COG5: variants seen among roughly 807,000 people sequenced by gnomAD.
COG5 encodes component of oligomeric golgi complex 5.
In COG5, 86 loss-of-function variants were observed where a neutral mutation model predicts 110.4. The ratio of observed to expected loss-of-function variants is 0.78; its 90% CI spans 0.65 to 0.93. The LOEUF (loss-of-function observed/expected upper bound fraction) is 0.93. COG5 is among the 40% of genes least tolerant of loss of function. The pLI, the probability that COG5 is intolerant of heterozygous loss-of-function variation, is 0.00. For missense variants in COG5, 1,077 were observed against 987.0 expected (o/e 1.09, Z -1.22); for synonymous variants, 360 against 334.6 (o/e 1.08, Z -0.83).
chr7:107,233,941 G>A (rs944573535), intron 18 of COG5, among the ~76,000 whole-genome samples: 1 of 152,160 alleles, frequency 6.6e-6, no homozygotes, highest in Non-Finnish European at 1.5e-5. Context: ...ATAAAACCTT[G>A]AAATTTTAAT....
intron 19 of COG5, among the ~76,000 whole-genome samples, chr7:107,213,015 A>G (rs1799283748): frequency 6.6e-6 from 1 of 152,198 alleles, no homozygotes; most frequent in South Asian, 2.1e-4. Context: ...ATACTGGAGT[A>G]ACTGCAGGGC....
chr7:107,432,644 T>C (rs1794102245), intron 6 of COG5, among the ~76,000 whole-genome samples: 1 of 152,128 alleles, frequency 6.6e-6, no homozygotes, highest in Non-Finnish European at 1.5e-5. Flanking sequence ...GAAAATAAAG[T>C]CTTTTCTACT....
chr7:107,452,080 A>T (rs1454739144), intron 6 of COG5, among the ~76,000 whole-genome samples: 1 of 152,064 alleles, frequency 6.6e-6, no homozygotes, highest in Non-Finnish European at 1.5e-5. Context: ...CTTTAACCAC[A>T]TCTCACTGCT....
chr7:107,384,735 G>T (rs1277402088), intron 7 of COG5, among the ~76,000 whole-genome samples: 1 of 152,142 alleles, frequency 6.6e-6, no homozygotes, highest in Non-Finnish European at 1.5e-5. Context: ...GTCTGCCATG[G>T]CAGGACACAG....
chr7:107,555,369 CT>C (rs1323526895), intron 2 of COG5, among the ~76,000 whole-genome samples: 1 of 152,208 alleles, frequency 6.6e-6, no homozygotes, highest in Admixed American at 6.5e-5. Flanking sequence ...AGTCTGCTGA[CT>C]GAAGTTCTTA....
chr7:107,312,731 C>G (rs974170836), intron 11 of COG5, among the ~76,000 whole-genome samples: 3 of 152,062 alleles, frequency 2.0e-5, no homozygotes, highest in Non-Finnish European at 4.4e-5. Context: ...ATTCGAATTG[C>G]ATTTTGAGAG....
intron 10 of COG5, among the ~76,000 whole-genome samples, chr7:107,356,726 A>T (rs1194360921): frequency 1.3e-5 from 2 of 152,172 alleles, no homozygotes; most frequent in Non-Finnish European, 2.9e-5. Context: ...CTGAACAAAT[A>T]TTATAGGAAG....
intron 14 of COG5, 146 bp downstream of exon 14, chr7:107,281,154 A>T: frequency 1.5e-6 from 1 of 648,822 alleles, no homozygotes; most frequent in Non-Finnish European, 2.6e-6. Flanking sequence ...TTCTGGTTTA[A>T]ATTCATCAGG....
rs148410978 is a variant in COG5 at position 107,504,948 on chromosome 7, T to A, written c.538+22289A>T. Among the ~76,000 whole-genome samples, 29 of 152,260 alleles carry A rather than the reference T, an allele frequency of 1.9e-4. No homozygotes were observed. In the East Asian group the frequency reaches 5.4e-3, roughly 28 times the overall value. ...TTTGTTTATCTCTCAAAGAGAGAAT[T>A]CAGTTCTTGGTGCTTTCAGGGGTGG... On this transcript the variant is annotated intron_variant, in intron 6 of 21. Coordinates refer to ENST00000297135, the MANE Select transcript of COG5 (RefSeq NM_006348.5).
intron 12 of COG5, among the ~76,000 whole-genome samples, chr7:107,295,364 T>C (rs1227109342): frequency 1.3e-5 from 2 of 151,946 alleles, no homozygotes; most frequent in Admixed American, 1.3e-4. Flanking sequence ...TCATAGAAGC[T>C]TTCTCTGACA....
At chr7:107,343,200 G>A (rs941043331) in intron 10 of COG5, among the ~76,000 whole-genome samples, 1 of 152,124 alleles carries the variant, frequency 6.6e-6, no homozygotes, top group South Asian at 2.1e-4. Context: ...GGCAACAAGA[G>A]ACACTCGGGT....
chr7:107,338,568 T>C (rs1584697190), intron 10 of COG5, among the ~76,000 whole-genome samples: 1 of 152,110 alleles, frequency 6.6e-6, no homozygotes, highest in African/African-American at 2.4e-5. Flanking sequence ...AAAAGCTCCA[T>C]GACACTGGAT....
At chr7:107,314,510 G>A (rs1413004795) in intron 11 of COG5, among the ~76,000 whole-genome samples, 1 of 151,186 alleles carries the variant, frequency 6.6e-6, no homozygotes, top group Non-Finnish European at 1.5e-5. Flanking sequence ...TTGGGAGGCC[G>A]AGGCGGGCAG....
Position 107,219,906 on chromosome 7 carries a change from TATA to T in COG5, c.2169-8684_2169-8682del, listed in dbSNP as rs550060353. ...AATTAATCATCCCACACGGTACACA[TATA>T]ATATCACTTTGTACCCCATAAGTGT... On this transcript the variant is annotated intron_variant, in intron 19 of 21. Coordinates refer to ENST00000297135, the MANE Select transcript of COG5 (RefSeq NM_006348.5). 3.6e-3 allele frequency among the ~76,000 whole-genome samples: 547 copies of T among 152,274 alleles called. 2 individuals carry two copies. Among genetic ancestry groups the T allele is most frequent in the African/African-American group, 0.012 (518 of 41,570 alleles).
At chr7:107,313,812 C>T (rs1249215279) in intron 11 of COG5, among the ~76,000 whole-genome samples, 5 of 152,174 alleles carry the variant, frequency 3.3e-5, no homozygotes, top group African/African-American at 9.7e-5. Context: ...CCTTAACTCA[C>T]ATCCGCAAAA....
At chr7:107,527,700 T>A (rs964548513) in intron 5 of COG5, among the ~76,000 whole-genome samples, 1 of 152,214 alleles carries the variant, frequency 6.6e-6, no homozygotes, top group African/African-American at 2.4e-5. Context: ...CATTTTACAA[T>A]AAACTCCAAT....
At chr7:107,459,252 A>C (rs1212058682) in intron 6 of COG5, among the ~76,000 whole-genome samples, 1 of 152,188 alleles carries the variant, frequency 6.6e-6, no homozygotes, top group Non-Finnish European at 1.5e-5. Context: ...AGGTTAAAAA[A>C]TAGTCTATAT....
chr7:107,516,777 G>A (rs1799952082), intron 6 of COG5, among the ~76,000 whole-genome samples: 1 of 152,014 alleles, frequency 6.6e-6, no homozygotes, highest in Non-Finnish European at 1.5e-5. Context: ...GGGGTCCGTT[G>A]GAAGAAAAAC....
chr7:107,391,697 T>G (rs979782697), intron 7 of COG5, among the ~76,000 whole-genome samples: 1 of 152,190 alleles, frequency 6.6e-6, no homozygotes, highest in Non-Finnish European at 1.5e-5. Flanking sequence ...TTCCTTTGCA[T>G]GTGGGAGGAA....
Sources: allele counts gnomAD v4.1 joint callset (sites outside exome capture counted in the v4.1 genomes callset), GRCh38; gene constraint gnomAD v4.1.1; transcripts MANE v1.5; gene names NCBI Gene and HGNC (gene_info 2026-07-23, HGNC 2026-07-21).